The following FRMD5 variants were observed in gnomAD, a reference collection of about 807,000 sequenced individuals.
FRMD5 encodes the protein FERM domain-containing protein 5.
A neutral mutation model predicts 69.0 loss-of-function variants in FRMD5; 20 were observed. The observed-to-expected ratio is 0.29, with a 90% CI of 0.20 to 0.42. The LOEUF is 0.42. FRMD5 is among the 10% of genes least tolerant of loss of function. The probability of loss-of-function intolerance (pLI) is 1.00; values close to 1 mark genes in which losing one functional copy is unlikely to be tolerated. For missense variants in FRMD5, 595 were observed against 708.6 expected, an observed-to-expected ratio of 0.84 and a Z score of 1.82; for synonymous variants, 271 against 260.1, an observed-to-expected ratio of 1.04 and a Z score of -0.40.
At chr15:43,876,462 C>G (rs888487143) in intron 13 of FRMD5, among the ~76,000 whole-genome samples, 1 of 152,166 alleles carries the variant, frequency 6.6e-6, no homozygotes, top group Non-Finnish European at 1.5e-5. Context: ...AGGTGGATCA[C>G]TTGAGCCAAA....
chr15:43,962,115 G>A (rs1219422932), intron 1 of FRMD5, among the ~76,000 whole-genome samples: 2 of 152,150 alleles, frequency 1.3e-5, no homozygotes, highest in Non-Finnish European at 2.9e-5. Flanking sequence ...AAGTCAAATT[G>A]TCCCTGTTTG....
intron 1 of FRMD5, among the ~76,000 whole-genome samples, chr15:44,150,420 C>T (rs1244339131): frequency 6.9e-6 from 1 of 145,640 alleles, no homozygotes; most frequent in Non-Finnish European, 1.5e-5. Context: ...CCACCCCCAT[C>T]AAAAAGAAAA....
intron 1 of FRMD5, among the ~76,000 whole-genome samples, chr15:44,157,400 C>T (rs2077545414): frequency 6.6e-6 from 1 of 152,140 alleles, no homozygotes; most frequent in Non-Finnish European, 1.5e-5. Context: ...CTTTAAATAA[C>T]TTTGGGTCAT....
At chr15:43,990,054 C>G in intron 1 of FRMD5, 1 of 741,700 alleles carries the variant, frequency 1.3e-6, no homozygotes, top group South Asian at 1.3e-5. Context: ...TGCCCACCGT[C>G]ACGCCCTGGT....
At chr15:44,066,711 T>C (rs1470684240) in intron 1 of FRMD5, among the ~76,000 whole-genome samples, 6 of 152,120 alleles carry the variant, frequency 3.9e-5, no homozygotes, top group Non-Finnish European at 7.4e-5. Flanking sequence ...AACTTTACTT[T>C]GGGAAGATTC....
intron 1 of FRMD5, among the ~76,000 whole-genome samples, chr15:43,932,196 C>A (rs955313109): frequency 6.6e-6 from 1 of 152,200 alleles, no homozygotes; most frequent in Non-Finnish European, 1.5e-5. Context: ...GACTTGAATG[C>A]ACAAGGCCTC....
chr15:44,028,938 T>G (rs10518994), intron 1 of FRMD5, among the ~76,000 whole-genome samples: 21 of 152,220 alleles, frequency 1.4e-4, no homozygotes, highest in Non-Finnish European at 2.8e-4. Context: ...TGTAAAGACA[T>G]TGACAAAGAA....
At chr15:43,930,355 A>C (rs1306564534) in intron 1 of FRMD5, among the ~76,000 whole-genome samples, 1 of 152,226 alleles carries the variant, frequency 6.6e-6, no homozygotes, top group African/African-American at 2.4e-5. Flanking sequence ...GCAGGTCACC[A>C]CAAATGTGGC....
intron 1 of FRMD5, among the ~76,000 whole-genome samples, chr15:44,166,783 C>CA (rs1006711939): frequency 0.23 from 12,235 of 52,296 alleles, 1,748 homozygotes; most frequent in African/African-American, 0.45. Flanking sequence ...GACCCTATCT[C>CA]AAAAAAAAAA....
chr15:44,124,225 T>A (rs1390938073), intron 1 of FRMD5, among the ~76,000 whole-genome samples: 1 of 151,848 alleles, frequency 6.6e-6, no homozygotes, highest in Admixed American at 6.6e-5. Flanking sequence ...ACTCCTGACC[T>A]CAGGTGATCT....
At chr15:44,192,333 T>C (rs1326241297) in intron 1 of FRMD5, among the ~76,000 whole-genome samples, 1 of 152,198 alleles carries the variant, frequency 6.6e-6, no homozygotes, top group Non-Finnish European at 1.5e-5. Flanking sequence ...GATACATTTC[T>C]GATTCTGTAA....
chr15:43,961,753 T>C (rs1188255118), intron 1 of FRMD5, among the ~76,000 whole-genome samples: 2 of 152,254 alleles, frequency 1.3e-5, no homozygotes, highest in South Asian at 2.1e-4. Flanking sequence ...GTTCAACATA[T>C]GAAAATCAAT....
chr15:44,049,117 A>T (rs1368314940), intron 1 of FRMD5, among the ~76,000 whole-genome samples: 1 of 152,202 alleles, frequency 6.6e-6, no homozygotes, highest in Non-Finnish European at 1.5e-5. Flanking sequence ...AATGAGGGAG[A>T]TAGCCCATGC....
At chr15:43,938,118 C>T (rs1226486303) in intron 1 of FRMD5, among the ~76,000 whole-genome samples, 4 of 151,536 alleles carry the variant, frequency 2.6e-5, no homozygotes, top group Non-Finnish European at 5.9e-5. Flanking sequence ...GTAGTCCCAG[C>T]TACTCGGGAG....
chr15:44,069,843 T>C (rs1384045763), intron 1 of FRMD5, among the ~76,000 whole-genome samples: 2 of 152,226 alleles, frequency 1.3e-5, no homozygotes, highest in Admixed American at 1.3e-4. Flanking sequence ...CTTTGTATTA[T>C]TTCTTACAAC....
chr15:44,085,528 C>T (rs918961379), intron 1 of FRMD5, among the ~76,000 whole-genome samples: 1 of 152,098 alleles, frequency 6.6e-6, no homozygotes. Context: ...ACTATGGCAG[C>T]CCTGTGGGTG....
At chr15:43,953,079 C>T (rs572598690) in intron 1 of FRMD5, among the ~76,000 whole-genome samples, 1 of 152,170 alleles carries the variant, frequency 6.6e-6, no homozygotes, top group Admixed American at 6.5e-5. Context: ...ACTGGTAATT[C>T]CGCTTTAGAT....
chr15:44,082,202 G>A lies in FRMD5; in HGVS notation c.102+112751C>T, dbSNP rs144944919. ...TCCCCATACGCCACTAGCTCATATC[G>A]GAACACAGAGGGGAAAAGTTGAGTT... On this transcript the variant is annotated intron_variant, in intron 1 of 13. Transcript: ENST00000417257. 3.5e-3 allele frequency among the ~76,000 whole-genome samples: 528 copies of A among 151,872 alleles called. 1 individual carries two copies. Among genetic ancestry groups the A allele is most frequent in the African/African-American group, 0.012 (496 of 41,448 alleles).
At chr15:44,050,000 C>G (rs1892588018) in intron 1 of FRMD5, among the ~76,000 whole-genome samples, 1 of 152,264 alleles carries the variant, frequency 6.6e-6, no homozygotes, top group Middle Eastern at 3.4e-3. Flanking sequence ...GATCTATGTA[C>G]AAGTAACCTT....
Sources: gnomAD v4.1 joint callset for allele counts (sites outside exome capture counted in the v4.1 genomes callset) on GRCh38, gnomAD v4.1.1 for gene constraint, MANE v1.5 for transcripts, NCBI Gene and HGNC (gene_info 2026-07-23, HGNC 2026-07-21) for gene names.